DNAH5: variants seen among roughly 807,000 people sequenced by gnomAD.
The protein encoded by DNAH5 is axonemal beta dynein heavy chain 5.
In DNAH5, 372 loss-of-function variants were observed where a neutral mutation model predicts 518.2. That is an observed-to-expected ratio of 0.72 (90% CI 0.66 to 0.78). DNAH5 has a LOEUF of 0.78. Among genes scored for constraint, DNAH5 ranks in the 30% least tolerant of loss-of-function variants. The pLI, the probability that DNAH5 is intolerant of heterozygous loss-of-function variation, is 0.00. For synonymous variants in DNAH5, 2,039 were observed against 2,025.9 expected (o/e 1.01, Z -0.17); for missense variants, 5,523 against 5,687.0 (o/e 0.97, Z 0.93).
chr5:13,695,624 C>G (rs1258229330), intron 78 of DNAH5, among the ~76,000 whole-genome samples: 1 of 152,120 alleles, frequency 6.6e-6, no homozygotes, highest in Admixed American at 6.6e-5. Context: ...GAATCATGGG[C>G]AAATTACCCA....
intron 36 of DNAH5, 55 bp downstream of exon 36, chr5:13,830,542 A>G: frequency 1.9e-6 from 3 of 1,598,132 alleles, no homozygotes; most frequent in East Asian, 2.2e-5. Context: ...AAATTTTAGC[A>G]AAATATTCCA....
rs146072876 is a variant in DNAH5, at chr5:13,826,802, T to C, written c.6445-2469A>G. Among the ~76,000 whole-genome samples the C allele has an allele frequency of 1.6e-4, 25 of 152,294 alleles. No homozygotes were observed. In the East Asian group the frequency reaches 4.8e-3, roughly 29 times the overall value. ...GAAAATGTGGAAGCAACTTTGGAACTGGGTAACAGGCAGAGGTTGGAACAG... is the reference window on the plus strand; with the variant it reads ...GAAAATGTGGAAGCAACTTTGGAACCGGGTAACAGGCAGAGGTTGGAACAG... On this transcript the variant is annotated intron_variant, in intron 38 of 78. Transcript: ENST00000265104.
chr5:13,861,030 C>A (rs913286056), intron 29 of DNAH5, among the ~76,000 whole-genome samples: 11 of 152,168 alleles, frequency 7.2e-5, no homozygotes, highest in African/African-American at 2.4e-4. Flanking sequence ...GTTCTACCCA[C>A]AGCGCCTAGA....
intron 38 of DNAH5, 21 bp downstream of exon 38, chr5:13,829,489 A>G: frequency 6.2e-7 from 1 of 1,612,550 alleles, no homozygotes; most frequent in Non-Finnish European, 8.5e-7. Flanking sequence ...CTAAGTGCAT[A>G]AGACCTCCAG....
chr5:13,917,048 G>T, intron 8 of DNAH5, 95 bp downstream of exon 8: 2 of 963,464 alleles, frequency 2.1e-6, no homozygotes, highest in Non-Finnish European at 3.3e-6. Flanking sequence ...CCTTTCCAAT[G>T]AACTGTAATA....
intron 7 of DNAH5, among the ~76,000 whole-genome samples, chr5:13,918,464 T>C (rs951331874): frequency 7.9e-5 from 12 of 152,166 alleles, no homozygotes; most frequent in Non-Finnish European, 1.6e-4. Flanking sequence ...AAATATTGGC[T>C]GTTTTTGTTT....
At chr5:13,787,783 A>G (rs1442770329) in intron 51 of DNAH5, among the ~76,000 whole-genome samples, 1 of 152,330 alleles carries the variant, frequency 6.6e-6, no homozygotes, top group East Asian at 1.9e-4. Context: ...TTTCTGCAGA[A>G]GGATCATTCC....
chr5:13,819,780 T>C (rs373168558), intron 41 of DNAH5, among the ~76,000 whole-genome samples: 1 of 152,330 alleles, frequency 6.6e-6, no homozygotes, highest in South Asian at 2.1e-4. Context: ...GAAATGCATT[T>C]ATTTAACTTC....
chr5:13,922,382 C>T, intron 4 of DNAH5, 54 bp from the exon 5 acceptor site: 1 of 1,472,638 alleles, frequency 6.8e-7, no homozygotes, highest in South Asian at 1.2e-5. Context: ...AAATGCAACA[C>T]AACTACTAAG....
intron 65 of DNAH5, among the ~76,000 whole-genome samples, chr5:13,741,743 G>C (rs759387974): frequency 2.0e-5 from 3 of 152,150 alleles, no homozygotes; most frequent in Non-Finnish European, 2.9e-5. Context: ...TTCACCTGAA[G>C]ACAGGTAAGG....
chr5:13,803,874 A>G (rs1759149636), intron 47 of DNAH5, among the ~76,000 whole-genome samples: 1 of 152,220 alleles, frequency 6.6e-6, no homozygotes, highest in African/African-American at 2.4e-5. Flanking sequence ...TCTGGGTCCA[A>G]AAAACACTGT....
chr5:13,986,115 G>T (rs922670456), intron 1 of DNAH5, among the ~76,000 whole-genome samples: 2 of 152,230 alleles, frequency 1.3e-5, no homozygotes, highest in African/African-American at 2.4e-5. Context: ...CCCAGTAAGT[G>T]CAAAAGCTGG....
chr5:13,944,992 A>AGCATTGTGAC (rs144446876), upstream of DNAH5, among the ~76,000 whole-genome samples: 1,271 of 152,350 alleles, frequency 8.3e-3, 15 homozygotes, highest in African/African-American at 0.029. Flanking sequence ...ATGCACTGCC[A>AGCATTGTGAC]GCATTGTGAC....
chr5:13,692,032 A>G lies in DNAH5; in HGVS notation c.13827T>C (p.Pro4609=), dbSNP rs748494424. The G allele has an allele frequency of 2.5e-6, 4 of 1,614,004 alleles. No homozygotes were observed. Among genetic ancestry groups the G allele is most frequent in the Admixed American group, 1.7e-5 (1 of 59,990 alleles). The change falls in exon 79 of 79, where the codon CCT becomes CCC. Residue 4609 remains proline (P), a synonymous_variant. Transcript: ENST00000265104. ...CAACCCCACGGAGCACCCAGTGTTCAGGGGTCTGGGCTGTCCTGAGATCCA... is the reference window on the plus strand; with the variant it reads ...CAACCCCACGGAGCACCCAGTGTTCGGGGGTCTGGGCTGTCCTGAGATCCA... The part of the protein sequence containing the change: ...AAVDLRTAQT[P]EHWVLRGVAL...
chr5:13,821,901 C>A (rs1278415325), intron 40 of DNAH5, among the ~76,000 whole-genome samples: 3 of 151,984 alleles, frequency 2.0e-5, no homozygotes. Flanking sequence ...CTCAGGTGAT[C>A]CTCCTGCCTC....
At chr5:13,987,212 C>T (rs1173995844) in intron 1 of DNAH5, among the ~76,000 whole-genome samples, 1 of 151,992 alleles carries the variant, frequency 6.6e-6, no homozygotes, top group Admixed American at 6.6e-5. Context: ...GGATTGGACC[C>T]CTCATAAATT....
At chr5:13,953,696 CTTGTT>C (rs1780579369) in intron 1 of DNAH5, among the ~76,000 whole-genome samples, 3 of 152,106 alleles carry the variant, frequency 2.0e-5, no homozygotes, top group South Asian at 2.1e-4. Flanking sequence ...TGGGATGCTT[CTTGTT>C]TTGTTTTATT....
At chr5:13,888,463 A>G (rs1772727295) in intron 17 of DNAH5, among the ~76,000 whole-genome samples, 1 of 152,194 alleles carries the variant, frequency 6.6e-6, no homozygotes, top group Non-Finnish European at 1.5e-5. Context: ...GTGACCATGA[A>G]CATAAAATCA....
chr5:13,735,760 G>T, intron 67 of DNAH5, 58 bp downstream of exon 67: 3 of 1,264,688 alleles, frequency 2.4e-6, no homozygotes, highest in Non-Finnish European at 3.5e-6. Flanking sequence ...TAAATGTAAT[G>T]TCATCATTTT....
Sources: allele counts gnomAD v4.1 joint callset (sites outside exome capture counted in the v4.1 genomes callset), GRCh38; gene constraint gnomAD v4.1.1; transcripts MANE v1.5; gene names NCBI Gene and HGNC (gene_info 2026-07-23, HGNC 2026-07-21).